Variants in LRRC49 observed in about 807,000 individuals in gnomAD.
The protein encoded by LRRC49 is leucine rich repeat containing 49, also known as leucine-rich repeat-containing protein 49.
LRRC49 carries 50 observed loss-of-function variants against 83.3 expected under a neutral mutation model. That is an observed-to-expected ratio of 0.60 (90% CI 0.48 to 0.76). The LOEUF (loss-of-function observed/expected upper bound fraction) is 0.76. LRRC49 is among the 30% of genes least tolerant of loss of function. The pLI is 0.00. For missense variants in LRRC49, 704 were observed against 809.1 expected, an observed-to-expected ratio of 0.87 and a Z score of 1.58; for synonymous variants, 286 against 283.3, an observed-to-expected ratio of 1.01 and a Z score of -0.10.
At chr15:70,994,675 A>G (rs2038017498) in intron 11 of LRRC49, among the ~76,000 whole-genome samples, 1 of 152,046 alleles carries the variant, frequency 6.6e-6, no homozygotes, top group African/African-American at 2.4e-5. Context: ...GAGTTTTGCC[A>G]TGTTGCCCAG....
rs897653703 is a variant in LRRC49, at chr15:71,049,921, G to A, written c.*309G>A. The A allele has an allele frequency of 2.7e-5, 6 of 223,924 alleles. No individual in the cohort carries two copies. The highest frequency in any genetic ancestry group is 1.4e-4 in the South Asian group (1 of 7,088). The allele number at this position is 223,924 out of a possible 1,614,324, so 13.9% of individuals were successfully genotyped here. A position where few individuals can be genotyped will look rare whatever the true frequency, so the allele number is the denominator to read the frequency against. ...GGTGCCCTGCTATAGCCCAAAGCAC[G>A]TAGTATTTGCTGATGATTCAGCATG... On this transcript the variant is annotated 3_prime_UTR_variant, in exon 16 of 16. Transcript: ENST00000260382.
chr15:70,964,388 T>C (rs1440219594), intron 9 of LRRC49, among the ~76,000 whole-genome samples: 1 of 152,080 alleles, frequency 6.6e-6, no homozygotes, highest in African/African-American at 2.4e-5. Flanking sequence ...CAGAATTAAG[T>C]CATAGGTTTG....
chr15:70,907,737 CA>C (rs2034376828), intron 5 of LRRC49: 1 of 301,092 alleles, frequency 3.3e-6, no homozygotes, highest in African/African-American at 2.2e-5. Context: ...CCTGCGGAGA[CA>C]GGCTGTGATA....
intron 1 of LRRC49, among the ~76,000 whole-genome samples, chr15:70,855,141 G>A (rs1341501051): frequency 6.6e-6 from 1 of 152,058 alleles, no homozygotes; most frequent in Non-Finnish European, 1.5e-5. Flanking sequence ...AGACCATCCT[G>A]GCCAACATGG....
chr15:70,892,404 C>T, upstream of LRRC49: 6 of 1,541,244 alleles, frequency 3.9e-6, no homozygotes, highest in Non-Finnish European at 5.2e-6. Context: ...TGTTTCCTTC[C>T]CTACCTCTGG....
intron 14 of LRRC49, among the ~76,000 whole-genome samples, chr15:71,014,629 C>T (rs2038766379): frequency 6.6e-6 from 1 of 152,026 alleles, no homozygotes; most frequent in Non-Finnish European, 1.5e-5. Flanking sequence ...CAACAACAAA[C>T]AGATACAGGA....
At chr15:70,918,312 C>T (rs927516293) in intron 6 of LRRC49, 1 of 152,286 alleles carries the variant, frequency 6.6e-6, no homozygotes, top group African/African-American at 2.4e-5. Context: ...AAAATGAGCC[C>T]AGCGGGCCAG....
At chr15:70,901,948 ATC>A (rs998379452) in intron 4 of LRRC49, among the ~76,000 whole-genome samples, 1 of 152,166 alleles carries the variant, frequency 6.6e-6, no homozygotes, top group Non-Finnish European at 1.5e-5. Flanking sequence ...CAGAGACAAC[ATC>A]TCTGTTTTGC....
intron 13 of LRRC49, among the ~76,000 whole-genome samples, chr15:71,011,936 G>T (rs542219905): frequency 2.0e-5 from 3 of 152,214 alleles, no homozygotes; most frequent in South Asian, 4.2e-4. Context: ...CCTTGGCTCT[G>T]TTGACATTTT....
intron 1 of LRRC49, among the ~76,000 whole-genome samples, chr15:70,864,037 T>C (rs747923215): frequency 1.6e-4 from 24 of 151,638 alleles, no homozygotes; most frequent in Non-Finnish European, 3.1e-4. Flanking sequence ...TTGGATAGGG[T>C]ATAGTCTAGC....
At chr15:70,987,337 G>T (rs1282374289) in intron 11 of LRRC49, among the ~76,000 whole-genome samples, 44 of 152,246 alleles carry the variant, frequency 2.9e-4, no homozygotes, top group East Asian at 2.5e-3. Flanking sequence ...TATTCAGAGA[G>T]TCAACTTCTT....
chr15:70,904,860 T>A (rs2034237972), intron 5 of LRRC49, 105 bp downstream of exon 5: 1 of 819,688 alleles, frequency 1.2e-6, no homozygotes, highest in Non-Finnish European at 1.9e-6. Context: ...TAGGCTAAAA[T>A]TTTTTAAAAA....
At chr15:70,900,701 A>G (rs538506358) in intron 3 of LRRC49, 12 of 493,128 alleles carry the variant, frequency 2.4e-5, no homozygotes, top group Non-Finnish European at 4.1e-5. Flanking sequence ...TCTGTAAGGC[A>G]AGGGAAAAAT....
rs113210155 is a variant in LRRC49, at chr15:71,050,844, CT to C, written c.*1245del. ...AAGGCTGTCCTGGTTTTTTCTTTTTCTTTTTTTTTTTTTGAGACAGAGTCTT... is the reference window on the plus strand; with the variant it reads ...AAGGCTGTCCTGGTTTTTTCTTTTTCTTTTTTTTTTTTGAGACAGAGTCTT... On this transcript the variant is annotated 3_prime_UTR_variant, in exon 16 of 16. Transcript: ENST00000260382. 289 of 144,594 alleles carry C rather than the reference CT, an allele frequency of 2.0e-3. No individual in the cohort carries two copies. The highest frequency in any genetic ancestry group is 1.9e-3 in the Non-Finnish European group (126 of 65,648). 9.0% of individuals were successfully genotyped at this position (144,594 alleles called of 1,614,324 possible).
intron 3 of LRRC49, among the ~76,000 whole-genome samples, chr15:70,896,921 T>G (rs2033864318): frequency 6.6e-6 from 1 of 152,194 alleles, no homozygotes; most frequent in Non-Finnish European, 1.5e-5. Context: ...TCAGCCTAAC[T>G]GCAGTTCCAC....
chr15:70,987,941 C>T (rs1208944227), intron 11 of LRRC49, among the ~76,000 whole-genome samples: 9 of 151,964 alleles, frequency 5.9e-5, no homozygotes, highest in South Asian at 4.2e-4. Flanking sequence ...TGTAGTTGAG[C>T]GGTTTTGAGT....
At chr15:70,854,433 A>C (rs2032598494) in intron 1 of LRRC49, among the ~76,000 whole-genome samples, 1 of 152,090 alleles carries the variant, frequency 6.6e-6, no homozygotes, top group East Asian at 1.9e-4. Context: ...AGGAGGTGTC[A>C]GGGCTCCCTC....
chr15:71,029,517 C>T (rs2039281432), intron 14 of LRRC49, among the ~76,000 whole-genome samples: 1 of 152,080 alleles, frequency 6.6e-6, no homozygotes, highest in Admixed American at 6.6e-5. Context: ...GTGGAGAGTT[C>T]TGTGGATGTC....
intron 8 of LRRC49, among the ~76,000 whole-genome samples, chr15:70,937,637 C>G (rs1360312418): frequency 6.6e-6 from 1 of 152,066 alleles, no homozygotes; most frequent in Non-Finnish European, 1.5e-5. Flanking sequence ...GTATTAAAAA[C>G]TAGTTTAATT....
Sources: allele counts gnomAD v4.1 joint callset (sites outside exome capture counted in the v4.1 genomes callset), GRCh38; gene constraint gnomAD v4.1.1; transcripts MANE v1.5; gene names NCBI Gene and HGNC (gene_info 2026-07-23, HGNC 2026-07-21).